The following RAD51B variants were observed in gnomAD, a reference collection of about 807,000 sequenced individuals.
RAD51B encodes RAD51 paralog B.
RAD51B carries 38 observed loss-of-function variants against 42.2 expected under a neutral mutation model. The ratio of observed to expected loss-of-function variants is 0.90; its 90% confidence interval spans 0.70 to 1.18. The LOEUF (loss-of-function observed/expected upper bound fraction) is 1.18. RAD51B is among the 50% of genes most tolerant of loss of function. The pLI is 0.00. For synonymous variants in RAD51B, 154 were observed against 145.2 expected (o/e 1.06, Z -0.43); for missense variants, 373 against 400.7 (o/e 0.93, Z 0.59).
intron 10 of RAD51B, chr14:68,541,304 GC>G: frequency 1.0e-6 from 1 of 985,478 alleles, no homozygotes. Flanking sequence ...AGAATAGGTG[GC>G]TAAGGAGAAC....
chr14:68,132,946 A>G (rs2077926755), intron 7 of RAD51B, among the ~76,000 whole-genome samples: 1 of 152,152 alleles, frequency 6.6e-6, no homozygotes, highest in South Asian at 2.1e-4. Flanking sequence ...AAGGGGCAGG[A>G]CCCCTAGTTT....
rs1158258693 is a variant in RAD51B at position 67,887,266 on chromosome 14, C to T, written c.756+62C>T. 2.2e-6 allele frequency: 3 copies of T among 1,341,158 alleles called. No homozygotes were observed. In the African/African-American group the frequency reaches 4.5e-5, roughly 20 times the overall value. 83.1% of individuals were successfully genotyped at this position (1,341,158 alleles called of 1,614,324 possible). ...TCTTTTGTTTCTTTTATATTACATT[C>T]ACTGACTTATGGTATCAAATAATAA... On this transcript the variant is annotated intron_variant, in intron 7 of 10. Transcript: ENST00000471583.
chr14:68,015,255 A>G (rs891605519), intron 7 of RAD51B, among the ~76,000 whole-genome samples: 3 of 152,196 alleles, frequency 2.0e-5, no homozygotes, highest in African/African-American at 7.2e-5. Context: ...TCATTCTTTC[A>G]TTCACTTATT....
chr14:68,239,119 A>G (rs2080329219), intron 7 of RAD51B, among the ~76,000 whole-genome samples: 1 of 152,230 alleles, frequency 6.6e-6, no homozygotes, highest in African/African-American at 2.4e-5. Flanking sequence ...CCTTGTAGAA[A>G]TACAGCCTCC....
chr14:68,204,290 T>C (rs1203297973), intron 7 of RAD51B, among the ~76,000 whole-genome samples: 3 of 152,138 alleles, frequency 2.0e-5, no homozygotes, highest in African/African-American at 7.2e-5. Context: ...TCTCAGGGAA[T>C]AGAGAGGCCC....
At chr14:68,469,731 G>C (rs998131398) in intron 10 of RAD51B, among the ~76,000 whole-genome samples, 1 of 152,186 alleles carries the variant, frequency 6.6e-6, no homozygotes, top group African/African-American at 2.4e-5. Context: ...AAGATTAGAA[G>C]TATAGTAAGT....
intron 10 of RAD51B, among the ~76,000 whole-genome samples, chr14:68,601,920 A>G (rs937567949): frequency 6.6e-6 from 1 of 152,048 alleles, no homozygotes; most frequent in African/African-American, 2.4e-5. Flanking sequence ...ACCAATTCCC[A>G]TCATTACTGC....
At chr14:68,576,780 G>C (rs1777786126) in intron 10 of RAD51B, among the ~76,000 whole-genome samples, 1 of 152,228 alleles carries the variant, frequency 6.6e-6, no homozygotes, top group Admixed American at 6.5e-5. Flanking sequence ...GAAGGGGTCA[G>C]AGGTGAACCT....
At chr14:68,152,080 G>A (rs939268522) in intron 7 of RAD51B, among the ~76,000 whole-genome samples, 4 of 151,970 alleles carry the variant, frequency 2.6e-5, no homozygotes, top group East Asian at 1.9e-4. Flanking sequence ...CAGACCTCAG[G>A]TGATCTGCCC....
intron 8 of RAD51B, among the ~76,000 whole-genome samples, chr14:68,346,502 G>A (rs1349916283): frequency 1.3e-5 from 2 of 152,050 alleles, no homozygotes; most frequent in African/African-American, 2.4e-5. Flanking sequence ...TTTCTTCCTC[G>A]ATTTCATGTT....
chr14:67,868,163 A>G (rs184265471), intron 5 of RAD51B, among the ~76,000 whole-genome samples: 3 of 152,304 alleles, frequency 2.0e-5, no homozygotes, highest in Admixed American at 2.0e-4. Flanking sequence ...CTGCATTTCC[A>G]TCTGAGGTAC....
rs1278538787 is a variant in RAD51B, at chr14:68,673,807, C to T, written c.*11+22951C>T. On this transcript the variant is annotated intron_variant, in intron 11 of 11. Transcript: ENST00000488612. ...CACATACTATATGCACACATATATA[C>T]ATGTACACACATACACATACTGTAC... 2.6e-5 allele frequency among the ~76,000 whole-genome samples: 4 copies of T among 151,418 alleles called. No homozygotes were observed. In the East Asian group the frequency reaches 7.7e-4, roughly 29 times the overall value.
intron 7 of RAD51B, among the ~76,000 whole-genome samples, chr14:68,281,995 T>C (rs916636521): frequency 2.6e-5 from 4 of 151,532 alleles, no homozygotes; most frequent in Non-Finnish European, 5.9e-5. Flanking sequence ...TTTTTTTTTC[T>C]TTTGAGATGG....
chr14:68,175,707 A>G (rs1036094978), intron 7 of RAD51B, among the ~76,000 whole-genome samples: 2 of 152,160 alleles, frequency 1.3e-5, no homozygotes, highest in African/African-American at 4.8e-5. Flanking sequence ...GTCAGTTAAC[A>G]TTTATACATG....
chr14:68,163,044 T>C (rs2078675815), intron 7 of RAD51B, among the ~76,000 whole-genome samples: 1 of 152,194 alleles, frequency 6.6e-6, no homozygotes, highest in African/African-American at 2.4e-5. Flanking sequence ...TCTGACTCCT[T>C]GAGACTTGCA....
intron 4 of RAD51B, among the ~76,000 whole-genome samples, chr14:67,846,150 C>T (rs1225182402): frequency 2.0e-5 from 3 of 152,150 alleles, no homozygotes. Flanking sequence ...GGGATGCACA[C>T]TCCATGGCTT....
chr14:68,427,051 G>A (rs1201817821), intron 9 of RAD51B, among the ~76,000 whole-genome samples: 1 of 152,250 alleles, frequency 6.6e-6, no homozygotes, highest in African/African-American at 2.4e-5. Context: ...AGCCTTGGTG[G>A]TGCCCACATA....
chr14:68,369,032 A>G (rs2083199346), intron 8 of RAD51B, among the ~76,000 whole-genome samples: 1 of 152,192 alleles, frequency 6.6e-6, no homozygotes, highest in Non-Finnish European at 1.5e-5. Context: ...CCACAAAAAA[A>G]CTAACAGCCT....
At chr14:68,369,281 C>T (rs1177974537) in intron 8 of RAD51B, among the ~76,000 whole-genome samples, 1 of 152,174 alleles carries the variant, frequency 6.6e-6, no homozygotes, top group African/African-American at 2.4e-5. Flanking sequence ...ATTTAGAAAC[C>T]CATTTAGGAA....
Sources: allele counts gnomAD v4.1 joint callset (sites outside exome capture counted in the v4.1 genomes callset), GRCh38; gene constraint gnomAD v4.1.1; transcripts MANE v1.5; gene names NCBI Gene and HGNC (gene_info 2026-07-23, HGNC 2026-07-21).